The following SPAG16 variants were observed in gnomAD, a reference collection of about 807,000 sequenced individuals.
The protein encoded by SPAG16 is sperm associated antigen 16.
A neutral mutation model predicts 80.4 loss-of-function variants in SPAG16; 86 were observed. The observed-to-expected ratio is 1.07, with a 90% CI of 0.90 to 1.28. SPAG16 has a LOEUF of 1.28. Among genes scored for constraint, SPAG16 ranks in the 50% most tolerant of loss-of-function variants. The probability of loss-of-function intolerance (pLI) is 0.00; values close to 1 mark genes in which losing one functional copy is unlikely to be tolerated. For missense variants in SPAG16, 870 were observed against 765.3 expected (o/e 1.14, Z -1.61); for synonymous variants, 294 against 265.9 (o/e 1.11, Z -1.03).
chr2:213,654,939 T>C (rs2063166326), intron 10 of SPAG16, among the ~76,000 whole-genome samples: 1 of 152,178 alleles, frequency 6.6e-6, no homozygotes, highest in South Asian at 2.1e-4. Flanking sequence ...TAGAGTAAAA[T>C]ATTTGATGTT....
rs200027042 is a variant in SPAG16 at position 214,121,038 on chromosome 2, G to A, written c.1593+12777G>A. On this transcript the variant is annotated intron_variant, in intron 14 of 15. Transcript: ENST00000331683. Reference sequence around the variant, plus strand: ...TCTAGATGCAGAAGTAGAACTCTCCGTCATAGCTAGCAATTGTCTTGGGGA... The same window carrying A: ...TCTAGATGCAGAAGTAGAACTCTCCATCATAGCTAGCAATTGTCTTGGGGA... 3.5e-4 allele frequency among the ~76,000 whole-genome samples: 53 copies of A among 151,562 alleles called. No homozygotes were observed. In the East Asian group the frequency reaches 8.7e-3, roughly 25 times the overall value.
intron 14 of SPAG16, among the ~76,000 whole-genome samples, chr2:214,136,596 A>G (rs1181603702): frequency 1.3e-5 from 2 of 152,192 alleles, no homozygotes; most frequent in African/African-American, 2.4e-5. Flanking sequence ...TGGCATAGGA[A>G]AGAAGTATAC....
intron 10 of SPAG16, among the ~76,000 whole-genome samples, chr2:213,597,079 T>C (rs948054341): frequency 1.3e-5 from 2 of 152,188 alleles, no homozygotes; most frequent in African/African-American, 4.8e-5. Flanking sequence ...AAAATTGATA[T>C]GAGAATATGC....
At chr2:214,132,839 T>C (rs1177548127) in intron 14 of SPAG16, among the ~76,000 whole-genome samples, 2 of 152,160 alleles carry the variant, frequency 1.3e-5, no homozygotes, top group Non-Finnish European at 2.9e-5. Context: ...TGCCTTGTAA[T>C]CCTAGCACTT....
chr2:214,139,004 T>G (rs1478685424), intron 14 of SPAG16, among the ~76,000 whole-genome samples: 1 of 152,130 alleles, frequency 6.6e-6, no homozygotes, highest in Non-Finnish European at 1.5e-5. Flanking sequence ...CTACTCCAAA[T>G]AAAACACTGT....
chr2:213,930,904 G>A (rs1386777000), intron 12 of SPAG16, among the ~76,000 whole-genome samples: 1 of 152,100 alleles, frequency 6.6e-6, no homozygotes, highest in Non-Finnish European at 1.5e-5. Flanking sequence ...AGCTCTGGAA[G>A]GACCTCCATC....
chr2:213,526,889 C>G (rs1235845806), intron 10 of SPAG16, among the ~76,000 whole-genome samples: 2 of 152,100 alleles, frequency 1.3e-5, no homozygotes, highest in African/African-American at 2.4e-5. Flanking sequence ...GGGTGAGGAA[C>G]AGTATCTATG....
intron 9 of SPAG16, among the ~76,000 whole-genome samples, chr2:213,475,715 T>C (rs2073337537): frequency 6.6e-6 from 1 of 152,178 alleles, no homozygotes; most frequent in South Asian, 2.1e-4. Context: ...TCCTCAGATC[T>C]AGTTTTCTTT....
At chr2:213,719,335 A>G (rs2066405035) in intron 10 of SPAG16, among the ~76,000 whole-genome samples, 2 of 152,056 alleles carry the variant, frequency 1.3e-5, no homozygotes, top group Admixed American at 1.3e-4. Flanking sequence ...CACACCAATC[A>G]GCACCCTGTG....
At chr2:214,191,662 C>A (rs1429958168) in intron 15 of SPAG16, among the ~76,000 whole-genome samples, 1 of 136,354 alleles carries the variant, frequency 7.3e-6, no homozygotes, top group Non-Finnish European at 1.5e-5. Context: ...TGCAGTGATC[C>A]AAGATCATGC....
intron 8 of SPAG16, among the ~76,000 whole-genome samples, chr2:213,365,630 G>A (rs1303861873): frequency 6.7e-6 from 1 of 148,306 alleles, no homozygotes; most frequent in Non-Finnish European, 1.5e-5. Flanking sequence ...GCTAATTTTT[G>A]TATTTTTAGT....
chr2:213,613,209 C>T (rs570997021), intron 10 of SPAG16, among the ~76,000 whole-genome samples: 1 of 152,248 alleles, frequency 6.6e-6, no homozygotes, highest in South Asian at 2.1e-4. Context: ...CCCTTCACCC[C>T]CAGCCAAATC....
chr2:213,903,221 G>A (rs978876401), intron 11 of SPAG16, among the ~76,000 whole-genome samples: 19 of 152,152 alleles, frequency 1.2e-4, no homozygotes, highest in African/African-American at 3.9e-4. Flanking sequence ...CCCCCGTAGG[G>A]ACTCTGCATG....
chr2:213,421,306 G>T (rs1406555954), intron 9 of SPAG16, among the ~76,000 whole-genome samples: 1 of 152,222 alleles, frequency 6.6e-6, no homozygotes, highest in Non-Finnish European at 1.5e-5. Context: ...GTGTGCTTGG[G>T]GTGGTGCCGA....
At chr2:213,781,392 A>C (rs951998149) in intron 10 of SPAG16, among the ~76,000 whole-genome samples, 1 of 152,190 alleles carries the variant, frequency 6.6e-6, no homozygotes, top group African/African-American at 2.4e-5. Flanking sequence ...AAATAAAAAG[A>C]AAAGCAAAAA....
At chr2:213,435,015 G>T (rs2070540732) in intron 9 of SPAG16, among the ~76,000 whole-genome samples, 1 of 152,122 alleles carries the variant, frequency 6.6e-6, no homozygotes, top group Non-Finnish European at 1.5e-5. Flanking sequence ...CACTTGTATG[G>T]TTATTGCAGC....
chr2:213,612,162 A>G (rs1171408678), intron 10 of SPAG16, among the ~76,000 whole-genome samples: 8 of 152,164 alleles, frequency 5.3e-5, no homozygotes, highest in Non-Finnish European at 1.2e-4. Context: ...ATATTTCCAT[A>G]TGAAATGTTA....
intron 15 of SPAG16, among the ~76,000 whole-genome samples, chr2:214,328,924 A>G (rs550461885): frequency 6.6e-6 from 1 of 152,222 alleles, no homozygotes; most frequent in South Asian, 2.1e-4. Context: ...GTTTTTTTAA[A>G]GCTTGGAGTG....
At position 213,945,918 on chromosome 2, in the gene SPAG16, A is replaced by C. The variant is rs192705509; in HGVS notation, c.1400+15773A>C. Among the ~76,000 whole-genome samples the C allele has an allele frequency of 1.6e-4, 25 of 152,294 alleles. No individual in the cohort carries two copies. In the East Asian group the frequency reaches 3.5e-3, roughly 21 times the overall value. The stretch of plus-strand genomic sequence containing the variant: ...ATAGCAACCGTTTTGCGAACAATAC[A>C]CCTTCTTTTTAGCCCTTTGTTTCTC... On this transcript the variant is annotated intron_variant, in intron 12 of 15. Coordinates refer to ENST00000331683, the MANE Select transcript of SPAG16 (RefSeq NM_024532.5).
Sources: allele counts gnomAD v4.1 joint callset (sites outside exome capture counted in the v4.1 genomes callset), GRCh38; gene constraint gnomAD v4.1.1; transcripts MANE v1.5; gene names NCBI Gene and HGNC (gene_info 2026-07-23, HGNC 2026-07-21).